TNS3: variants seen among roughly 807,000 people sequenced by gnomAD.
The protein encoded by TNS3 is tensin-3.
In TNS3, 45 loss-of-function variants were observed where a neutral mutation model predicts 140.9. That is an observed-to-expected ratio of 0.32 (90% CI 0.25 to 0.41). The LOEUF (loss-of-function observed/expected upper bound fraction) is 0.41, where lower values mean the gene tolerates loss of function less well. Ranked by LOEUF, TNS3 falls within the 10% of genes least tolerant of loss-of-function variation. The pLI, the probability that TNS3 is intolerant of heterozygous loss-of-function variation, is 1.00. For missense variants in TNS3, 1,716 were observed against 1,906.7 expected, an observed-to-expected ratio of 0.90 and a Z score of 1.86; for synonymous variants, 815 against 788.4, an observed-to-expected ratio of 1.03 and a Z score of -0.56.
chr7:47,278,196 C>T lies in TNS3; in HGVS notation c.4218G>A (p.Lys1406=), dbSNP rs759371043. 12 of 1,614,010 alleles carry T rather than the reference C, an allele frequency of 7.4e-6. No homozygotes were observed. In the South Asian group the frequency reaches 1.2e-4, roughly 16 times the overall value. The stretch of plus-strand genomic sequence containing the variant: ...ACACATTATCCGTGGCACTGCCCTG[C>T]TTCCGGGCCACAAATCCAAAGACTC... ...SSKVFGFVAR[K]QGSATDNVCH... Residue 1406 remains lysine (K), a synonymous_variant, in exon 31 of 31, where the codon AAG becomes AAA. Coordinates refer to ENST00000311160, the MANE Select transcript of TNS3 (RefSeq NM_022748.12).
intron 20 of TNS3, among the ~76,000 whole-genome samples, chr7:47,305,417 C>G (rs1001883314): frequency 6.6e-6 from 1 of 152,234 alleles, no homozygotes; most frequent in Non-Finnish European, 1.5e-5. Context: ...CATGGCCTTT[C>G]CTCTGCAAAC....
intron 13 of TNS3, 56 bp from the exon 14 acceptor site, chr7:47,400,970 C>T (rs1037989525): frequency 9.3e-6 from 15 of 1,606,378 alleles, no homozygotes; most frequent in African/African-American, 1.3e-5. Flanking sequence ...CACACGTTCC[C>T]GGCAAGGAAC....
At chr7:47,461,070 A>G (rs1796470458) in intron 4 of TNS3, among the ~76,000 whole-genome samples, 1 of 151,986 alleles carries the variant, frequency 6.6e-6, no homozygotes, top group African/African-American at 2.4e-5. Context: ...GCTGGAGTTG[A>G]AAAAAAACGG....
intron 3 of TNS3, among the ~76,000 whole-genome samples, chr7:47,496,084 G>A (rs546030902): frequency 6.6e-6 from 1 of 152,310 alleles, no homozygotes; most frequent in South Asian, 2.1e-4. Flanking sequence ...AGAGGCCCTG[G>A]ATTGAGGAGA....
chr7:47,350,939 AT>A lies in TNS3; in HGVS notation c.2282-4584del, dbSNP rs544692158. 8.7e-4 allele frequency among the ~76,000 whole-genome samples: 133 copies of A among 152,304 alleles called. 1 individual carries two copies. Among genetic ancestry groups the A allele is most frequent in the Admixed American group, 3.5e-3 (54 of 15,302 alleles). On this transcript the variant is annotated intron_variant, in intron 17 of 30. Transcript: ENST00000311160. The stretch of plus-strand genomic sequence containing the variant: ...AAAGATGCATGTGTAGTGTGGTTTC[AT>A]TTTTATTTTAAAAACTAAGAAAATG...
At chr7:47,311,210 C>T (rs945516379) in intron 20 of TNS3, among the ~76,000 whole-genome samples, 1 of 152,190 alleles carries the variant, frequency 6.6e-6, no homozygotes, top group Non-Finnish European at 1.5e-5. Context: ...CCTATTTCTC[C>T]ACATCCTCTC....
At chr7:47,490,736 G>A (rs1584763327) in intron 3 of TNS3, among the ~76,000 whole-genome samples, 1 of 152,212 alleles carries the variant, frequency 6.6e-6, no homozygotes, top group South Asian at 2.1e-4. Flanking sequence ...TGACCTTCTG[G>A]CCACCCAGTC....
chr7:47,424,139 A>T lies in TNS3; in HGVS notation c.435T>A (p.Asp145Glu). The change falls in exon 10 of 31, where the codon GAT becomes GAA. Residue 145 changes from aspartate to glutamate, a missense_variant. Asp to Glu is a conservative substitution (Grantham distance 45). Around this residue, in one of 3 missense-constraint regions of TNS3, gnomAD observed 337 missense variants for 428.9 expected, o/e 0.79. Coordinates refer to ENST00000311160, the MANE Select transcript of TNS3 (RefSeq NM_022748.12). Reference sequence around the variant, plus strand: ...GCTGCATTAAAGCTGAAACTTTGTCATCATAAAACTTCTTCATTGCAAACC... The same window carrying T: ...GCTGCATTAAAGCTGAAACTTTGTCTTCATAAAACTTCTTCATTGCAAACC... ...LDRFAMKKFY[D>E]DKVSALMQPS... 1 of 1,614,192 alleles carries T rather than the reference A, an allele frequency of 6.2e-7. No homozygotes were observed. The highest frequency in any genetic ancestry group is 8.5e-7 in the Non-Finnish European group (1 of 1,180,032).
intron 1 of TNS3, among the ~76,000 whole-genome samples, chr7:47,534,435 T>C (rs903034543): frequency 6.6e-6 from 1 of 152,160 alleles, no homozygotes; most frequent in African/African-American, 2.4e-5. Context: ...TCTTAACAGC[T>C]ATTGTAAATG....
Position 47,531,189 on chromosome 7 carries a change from T to C in TNS3, c.-264-2042A>G, listed in dbSNP as rs147286622. Among the ~76,000 whole-genome samples the C allele has an allele frequency of 8.7e-3, 1,328 of 152,066 alleles. 12 individuals are homozygous for C. The highest frequency in any genetic ancestry group is 0.013 in the Non-Finnish European group (889 of 67,990). ...ATTACCTGGAGGAGGAAATAATCTGTACACCAAACCCCCACAACACACAAT... is the reference window on the plus strand; with the variant it reads ...ATTACCTGGAGGAGGAAATAATCTGCACACCAAACCCCCACAACACACAAT... On this transcript the variant is annotated intron_variant, in intron 1 of 30. Transcript: ENST00000311160.
intron 4 of TNS3, among the ~76,000 whole-genome samples, chr7:47,465,363 C>T (rs754445183): frequency 6.6e-6 from 1 of 152,178 alleles, no homozygotes; most frequent in Non-Finnish European, 1.5e-5. Context: ...AGGACGCTGG[C>T]TTGGGAAACA....
chr7:47,303,723 C>T, intron 21 of TNS3, 139 bp from the exon 22 acceptor site: 1 of 1,008,672 alleles, frequency 9.9e-7, no homozygotes, highest in Non-Finnish European at 1.4e-6. Flanking sequence ...GAGGTATTTT[C>T]CAAAATATGT....
intron 16 of TNS3, among the ~76,000 whole-genome samples, chr7:47,385,291 GA>G (rs1275562823): frequency 1.3e-5 from 2 of 152,202 alleles, no homozygotes; most frequent in Middle Eastern, 3.2e-3. Flanking sequence ...CTAGCCCTCT[GA>G]CCCCTCAGTG....
chr7:47,462,013 G>C (rs1796511179), intron 4 of TNS3, among the ~76,000 whole-genome samples: 1 of 152,190 alleles, frequency 6.6e-6, no homozygotes, highest in Non-Finnish European at 1.5e-5. Context: ...ACCCTGGAGA[G>C]AACTCAAAGA....
chr7:47,555,466 G>A (rs1203228114), intron 1 of TNS3, among the ~76,000 whole-genome samples: 1 of 151,904 alleles, frequency 6.6e-6, no homozygotes, highest in African/African-American at 2.4e-5. Flanking sequence ...CAGCAAGAGG[G>A]TTTGAAAGGA....
chr7:47,504,736 G>C (rs930643121), intron 3 of TNS3, among the ~76,000 whole-genome samples: 11 of 152,176 alleles, frequency 7.2e-5, no homozygotes, highest in Non-Finnish European at 1.5e-4. Flanking sequence ...GAGCAGCTGG[G>C]GAGTTATGGC....
intron 1 of TNS3, among the ~76,000 whole-genome samples, chr7:47,574,692 G>A (rs56200956): frequency 0.042 from 6,391 of 151,996 alleles, 463 homozygotes; most frequent in African/African-American, 0.15. Context: ...GAGAGAAATC[G>A]TGACACATGC....
intron 1 of TNS3, among the ~76,000 whole-genome samples, chr7:47,578,409 C>T (rs1251137717): frequency 5.9e-5 from 9 of 152,236 alleles, no homozygotes. Flanking sequence ...TGCAGTGCTT[C>T]ATCCCCAAGT....
chr7:47,368,546 C>T lies in TNS3; in HGVS notation c.2100G>A (p.Glu700=), dbSNP rs1038748958. 1.8e-5 allele frequency: 28 copies of T among 1,578,774 alleles called. No individual in the cohort carries two copies. In the African/African-American group the frequency reaches 3.5e-4, roughly 20 times the overall value. The change falls in exon 17 of 31, where the codon GAG becomes GAA. Residue 700 remains glutamate, a synonymous_variant. Transcript: ENST00000311160. ...SPTLDIDQSI[E]QLNRLILELD... ...GCTCCAGGATCAGCCTGTTGAGCTG[C>T]TCGATGGACTGGTCGATGTCCAGGG...
Sources: gnomAD v4.1 joint callset for allele counts (sites outside exome capture counted in the v4.1 genomes callset) on GRCh38, gnomAD v4.1.1 for gene constraint, gnomAD v4.1.1 regional missense constraint, MANE v1.5 for transcripts, NCBI Gene and HGNC (gene_info 2026-07-23, HGNC 2026-07-21) for gene names.